PDE10A: variants seen among roughly 807,000 people sequenced by gnomAD.
The protein encoded by PDE10A is cAMP and cAMP-inhibited cGMP 3',5'-cyclic phosphodiesterase 10A.
In PDE10A, 39 loss-of-function variants were observed where a neutral mutation model predicts 97.7. That is an observed-to-expected ratio of 0.40 (90% CI 0.31 to 0.52). The LOEUF (loss-of-function observed/expected upper bound fraction) is 0.52. Ranked by LOEUF, PDE10A falls within the 20% of genes least tolerant of loss-of-function variation. The probability of loss-of-function intolerance (pLI) is 0.56; values close to 1 mark genes in which losing one functional copy is unlikely to be tolerated. For missense variants in PDE10A, 731 were observed against 1,047.8 expected (o/e 0.70, Z 4.17); for synonymous variants, 371 against 376.8 (o/e 0.98, Z 0.18).
At chr6:165,913,532 A>G (rs536767575) in intron 1 of PDE10A, among the ~76,000 whole-genome samples, 2 of 152,202 alleles carry the variant, frequency 1.3e-5, no homozygotes, top group East Asian at 1.9e-4. Flanking sequence ...AATTATTTTT[A>G]TTGTTGTATT....
chr6:165,404,817 A>G (rs898646671), intron 13 of PDE10A, among the ~76,000 whole-genome samples: 1 of 152,070 alleles, frequency 6.6e-6, no homozygotes, highest in Non-Finnish European at 1.5e-5. Flanking sequence ...TTGCACAACT[A>G]TTCTAGTTTA....
chr6:165,624,660 C>T (rs1318834814), intron 1 of PDE10A, among the ~76,000 whole-genome samples: 3 of 152,170 alleles, frequency 2.0e-5, no homozygotes, highest in Admixed American at 6.5e-5. Flanking sequence ...ATTCACCCAT[C>T]GGAAAAACTT....
At chr6:165,724,285 T>A (rs540472740) in intron 1 of PDE10A, among the ~76,000 whole-genome samples, 1 of 152,304 alleles carries the variant, frequency 6.6e-6, no homozygotes, top group East Asian at 1.9e-4. Context: ...TTTTTACCTA[T>A]AACATGAGGT....
At chr6:165,937,140 C>T (rs997565574) in intron 1 of PDE10A, among the ~76,000 whole-genome samples, 1 of 152,188 alleles carries the variant, frequency 6.6e-6, no homozygotes, top group Non-Finnish European at 1.5e-5. Context: ...GTCTTAGACA[C>T]CCCTTGAGGG....
At chr6:165,515,523 C>CTTTT (rs376897417) in intron 2 of PDE10A, among the ~76,000 whole-genome samples, 2 of 124,530 alleles carry the variant, frequency 1.6e-5, no homozygotes, top group African/African-American at 6.1e-5. Flanking sequence ...TGCTTTTGTT[C>CTTTT]TTTTTTTTTT....
chr6:165,585,139 C>T (rs2128359189), intron 1 of PDE10A, among the ~76,000 whole-genome samples: 1 of 152,134 alleles, frequency 6.6e-6, no homozygotes, highest in East Asian at 1.9e-4. Flanking sequence ...CAGTGAAAAC[C>T]AACCAGGAAC....
At chr6:165,483,670 C>T (rs538601921) in intron 2 of PDE10A, among the ~76,000 whole-genome samples, 1 of 152,226 alleles carries the variant, frequency 6.6e-6, no homozygotes, top group South Asian at 2.1e-4. Flanking sequence ...AAAAGTCAAA[C>T]AATTAAAAGG....
intron 18 of PDE10A, among the ~76,000 whole-genome samples, chr6:165,376,993 G>A (rs9457081): frequency 0.079 from 12,062 of 152,186 alleles, 538 homozygotes; most frequent in Middle Eastern, 0.2. Flanking sequence ...CTGGTCAGAA[G>A]CCACCAATAC....
At chr6:165,562,388 A>C (rs1398749470) in intron 1 of PDE10A, among the ~76,000 whole-genome samples, 1 of 152,232 alleles carries the variant, frequency 6.6e-6, no homozygotes, top group Non-Finnish European at 1.5e-5. Flanking sequence ...AAACAAAGAC[A>C]CTAGTATTAG....
intron 1 of PDE10A, among the ~76,000 whole-genome samples, chr6:165,908,309 A>T (rs1782354842): frequency 6.6e-6 from 1 of 152,246 alleles, no homozygotes; most frequent in Non-Finnish European, 1.5e-5. Flanking sequence ...TTCTTCTTAG[A>T]GAACGAGAAA....
chr6:165,960,451 C>T (rs1343676016), intron 1 of PDE10A, among the ~76,000 whole-genome samples: 1 of 152,160 alleles, frequency 6.6e-6, no homozygotes, highest in African/African-American at 2.4e-5. Context: ...TCACAGATGG[C>T]ATCACATCTT....
At chr6:165,968,218 T>A (rs961782392) in intron 1 of PDE10A, among the ~76,000 whole-genome samples, 3 of 152,240 alleles carry the variant, frequency 2.0e-5, no homozygotes, top group African/African-American at 7.2e-5. Context: ...AGGCATGATA[T>A]TAGCGAAGAG....
chr6:165,791,096 C>T (rs1778637962), intron 1 of PDE10A, among the ~76,000 whole-genome samples: 1 of 152,004 alleles, frequency 6.6e-6, no homozygotes, highest in African/African-American at 2.4e-5. Flanking sequence ...AGGTGCATAC[C>T]ACCATGCCCA....
chr6:165,424,336 C>G (rs1040137685), intron 10 of PDE10A, among the ~76,000 whole-genome samples: 2 of 152,114 alleles, frequency 1.3e-5, no homozygotes, highest in East Asian at 3.9e-4. Context: ...AGGACAGAGG[C>G]TGTGAAGGGT....
chr6:165,511,610 G>A (rs373153688), intron 2 of PDE10A, among the ~76,000 whole-genome samples: 18 of 151,832 alleles, frequency 1.2e-4, no homozygotes, highest in Admixed American at 3.9e-4. Context: ...TCTGACAGGC[G>A]GATGTTGAAA....
At chr6:165,534,922 A>G (rs1583486427) in intron 2 of PDE10A, among the ~76,000 whole-genome samples, 1 of 152,072 alleles carries the variant, frequency 6.6e-6, no homozygotes, top group East Asian at 1.9e-4. Flanking sequence ...TATTCAATAT[A>G]GTACTGGAAG....
chr6:165,673,735 C>G (rs1316789254), intron 1 of PDE10A, among the ~76,000 whole-genome samples: 1 of 152,300 alleles, frequency 6.6e-6, no homozygotes, highest in East Asian at 1.9e-4. Context: ...GGCATTTCTG[C>G]CAATACAGAG....
At chr6:165,486,506 C>T (rs376416308) in intron 2 of PDE10A, among the ~76,000 whole-genome samples, 1 of 152,058 alleles carries the variant, frequency 6.6e-6, no homozygotes, top group African/African-American at 2.4e-5. Context: ...GAAAGGCTGG[C>T]GAGCTGAAAA....
At chr6:165,375,098 G>A (rs1357332939) in intron 18 of PDE10A, among the ~76,000 whole-genome samples, 2 of 152,024 alleles carry the variant, frequency 1.3e-5, no homozygotes, top group Non-Finnish European at 2.9e-5. Flanking sequence ...CCTAAAAGCA[G>A]TAATATTAAA....
Sources: allele counts gnomAD v4.1 joint callset (sites outside exome capture counted in the v4.1 genomes callset), GRCh38; gene constraint gnomAD v4.1.1; transcripts MANE v1.5; gene names NCBI Gene and HGNC (gene_info 2026-07-23, HGNC 2026-07-21).